DPP8: variants seen among roughly 807,000 people sequenced by gnomAD.
DPP8 encodes dipeptidyl peptidase 8.
DPP8 carries 31 observed loss-of-function variants against 107.5 expected under a neutral mutation model. That is an observed-to-expected ratio of 0.29 (90% CI 0.22 to 0.39). DPP8 has a LOEUF of 0.39. Among genes scored for constraint, DPP8 ranks in the 10% least tolerant of loss-of-function variants. The pLI is 1.00. For synonymous variants in DPP8, 381 were observed against 356.6 expected (o/e 1.07, Z -0.77); for missense variants, 842 against 1,076.1 (o/e 0.78, Z 3.04).
intron 6 of DPP8, among the ~76,000 whole-genome samples, chr15:65,488,132 T>C (rs2067619325): frequency 6.6e-6 from 1 of 152,214 alleles, no homozygotes. Context: ...AATATTTAAT[T>C]ACATGTATAA....
intron 7 of DPP8, among the ~76,000 whole-genome samples, chr15:65,486,993 A>T (rs975492202): frequency 7.9e-5 from 12 of 151,712 alleles, no homozygotes; most frequent in Admixed American, 2.6e-4. Flanking sequence ...AATTTAAAAT[A>T]AAAAAAAGGG....
At position 65,444,048 on chromosome 15, in the gene DPP8, G is replaced by A. The variant is rs1300146052; in HGVS notation, c.*2836C>T. The A allele has an allele frequency of 6.6e-6, 1 of 152,352 alleles. No homozygotes were observed. The highest frequency in any genetic ancestry group is 1.5e-5 in the Non-Finnish European group (1 of 68,228). 9.4% of individuals were successfully genotyped at this position (152,352 alleles called of 1,614,324 possible). A position where few individuals can be genotyped will look rare whatever the true frequency, so the allele number is the denominator to read the frequency against. ...TCTCCTGCCTCAGCCTCCCGAGTAG[G>A]TGGGATTATAGGCACACGCCATCAT... On this transcript the variant is annotated 3_prime_UTR_variant, in exon 20 of 20. Coordinates refer to ENST00000300141, the MANE Select transcript of DPP8 (RefSeq NM_130434.5).
chr15:65,494,646 GA>G lies in DPP8; in HGVS notation c.715+3217del, dbSNP rs5813355. Among the ~76,000 whole-genome samples the G allele has an allele frequency of 3.5e-3, 399 of 114,350 alleles. 6 individuals carry two copies. The highest frequency in any genetic ancestry group is 0.012 in the African/African-American group (349 of 29,578). The allele number at this position is 114,350 out of a possible 152,430, so 75.0% of individuals were successfully genotyped here. A position where few individuals can be genotyped will look rare whatever the true frequency, so the allele number is the denominator to read the frequency against. On this transcript the variant is annotated intron_variant, in intron 5 of 19. Coordinates refer to ENST00000300141, the MANE Select transcript of DPP8 (RefSeq NM_130434.5). ...TAGGAGACCCTGTCTCAAAAAAATTGAAAAAAAAAAAAAAAAGGGCATGAAA... is the reference window on the plus strand; with the variant it reads ...TAGGAGACCCTGTCTCAAAAAAATTGAAAAAAAAAAAAAAAGGGCATGAAA...
chr15:65,502,686 A>C (rs1046575104), intron 3 of DPP8: 2 of 151,950 alleles, frequency 1.3e-5, no homozygotes. Context: ...TCAAAAAAAA[A>C]AAATAATAAG....
intron 2 of DPP8, among the ~76,000 whole-genome samples, chr15:65,509,684 G>A (rs555800941): frequency 3.3e-5 from 5 of 152,258 alleles, no homozygotes; most frequent in South Asian, 4.1e-4. Flanking sequence ...AGCATACCAC[G>A]TTTGGAATAA....
intron 12 of DPP8, among the ~76,000 whole-genome samples, chr15:65,468,581 T>C (rs553193656): frequency 1.2e-4 from 19 of 152,174 alleles, no homozygotes; most frequent in South Asian, 4.1e-4. Context: ...ATGCCTTTTT[T>C]CCCCCCAGGA....
chr15:65,499,101 G>GTT (rs1469760782), intron 4 of DPP8, among the ~76,000 whole-genome samples: 42 of 139,002 alleles, frequency 3.0e-4, no homozygotes, highest in African/African-American at 1.1e-3. Flanking sequence ...GTGTGTGTGT[G>GTT]TGTGTATATA....
chr15:65,482,323 C>G (rs2067004383), intron 8 of DPP8, among the ~76,000 whole-genome samples: 1 of 152,186 alleles, frequency 6.6e-6, no homozygotes, highest in East Asian at 1.9e-4. Flanking sequence ...ACTCTGTCAC[C>G]CAGGCTGTAG....
At chr15:65,487,927 T>G in intron 6 of DPP8, 109 bp from the exon 7 acceptor site, 6 of 754,306 alleles carry the variant, frequency 8.0e-6, no homozygotes, top group South Asian at 1.9e-5. Context: ...ATAACTTATG[T>G]ATAAAATATG....
At chr15:65,495,865 C>G (rs1291299227) in intron 5 of DPP8, among the ~76,000 whole-genome samples, 1 of 151,964 alleles carries the variant, frequency 6.6e-6, no homozygotes, top group Non-Finnish European at 1.5e-5. Context: ...CTGGGTGACA[C>G]AGTAAGACTC....
chr15:65,516,191 A>G (rs2071419372), intron 1 of DPP8: 1 of 165,172 alleles, frequency 6.1e-6, no homozygotes, highest in Non-Finnish European at 1.3e-5. Context: ...TTTACATAAT[A>G]ATGTCATATC....
rs569727879 is a variant in DPP8, at chr15:65,443,813, G to C, written c.*3071C>G. Reference sequence around the variant, plus strand: ...ATCCAACTCCATTCTCTATAGAAGAGTTTCTTAAAGTAGTCCACAGATGAC... The same window carrying C: ...ATCCAACTCCATTCTCTATAGAAGACTTTCTTAAAGTAGTCCACAGATGAC... On this transcript the variant is annotated 3_prime_UTR_variant, in exon 20 of 20. Transcript: ENST00000300141. 204 of 152,298 alleles carry C rather than the reference G, an allele frequency of 1.3e-3. 1 individual carries two copies. Among genetic ancestry groups the C allele is most frequent in the African/African-American group, 4.6e-3 (190 of 41,562 alleles). 9.4% of individuals were successfully genotyped at this position (152,298 alleles called of 1,614,324 possible).
Position 65,490,175 on chromosome 15 carries a change from T to C in DPP8, c.826+14A>G, listed in dbSNP as rs780619811. 7.7e-7 allele frequency: 1 copy of C among 1,305,918 alleles called. No individual in the cohort carries two copies. The highest frequency in any genetic ancestry group is 1.1e-6 in the Non-Finnish European group (1 of 900,020). 80.9% of individuals were successfully genotyped at this position (1,305,918 alleles called of 1,614,324 possible). The stretch of plus-strand genomic sequence containing the variant: ...TTTAATTGACCCATAATATATTATT[T>C]TGAACCCCCTTACTTGTTTCAGCTT... On this transcript the variant is annotated intron_variant, in intron 6 of 19. Transcript: ENST00000300141.
Position 65,467,148 on chromosome 15 carries a change from C to T in DPP8, c.1612G>A (p.Val538Ile). ...TCTCCAGGATTTACGTAACTGACTA[C>T]GTACAGGTGATGCTCTAAAGGGGAG... ...KDSPLEHHLYVVSYVNPGEVT... is the reference protein window; with the variant it reads ...KDSPLEHHLYIVSYVNPGEVT... Residue 538 changes from valine to isoleucine, a missense_variant, in exon 13 of 20, where the codon GTA becomes ATA. Transcript: ENST00000300141. 1.9e-6 allele frequency: 3 copies of T among 1,614,116 alleles called. No homozygotes were observed. The highest frequency in any genetic ancestry group is 2.5e-6 in the Non-Finnish European group (3 of 1,179,990).
chr15:65,511,855 C>A, intron 2 of DPP8: 26 of 225,616 alleles, frequency 1.2e-4, no homozygotes, highest in East Asian at 4.2e-4. Context: ...GAAAGTAAAT[C>A]AGTAGATTAA....
intron 2 of DPP8, among the ~76,000 whole-genome samples, chr15:65,510,088 C>A (rs1165422778): frequency 6.6e-6 from 1 of 152,022 alleles, no homozygotes; most frequent in African/African-American, 2.4e-5. Context: ...CTGAGGCAGG[C>A]AGATTGCTGG....
At chr15:65,483,612 A>C (rs544280531) in intron 8 of DPP8, among the ~76,000 whole-genome samples, 163 of 150,866 alleles carry the variant, frequency 1.1e-3, no homozygotes, top group African/African-American at 3.8e-3. Flanking sequence ...AATAAAATAA[A>C]ATAAAATAAA....
rs1421022776 is a variant in DPP8 at position 65,497,984 on chromosome 15, G to A, written c.595C>T (p.Arg199Trp). ...GCAGGGCATAATTTTGGATCCATCCGTATGTTGGGACAACTAGTTTCCACT... is the reference window on the plus strand; with the variant it reads ...GCAGGGCATAATTTTGGATCCATCCATATGTTGGGACAACTAGTTTCCACT... Reference protein sequence around the residue: ...NLVETSCPNIRMDPKLCPADP... With the variant: ...NLVETSCPNIWMDPKLCPADP... The change falls in exon 5 of 20, where the codon CGG becomes TGG. Residue 199 changes from arginine (R) to tryptophan (W), a missense_variant. By Grantham distance (101) the Arg-to-Trp change is moderately radical. Transcript: ENST00000300141. 20 of 1,610,018 alleles carry A rather than the reference G, an allele frequency of 1.2e-5. No individual in the cohort carries two copies. The highest frequency in any genetic ancestry group is 1.5e-5 in the Non-Finnish European group (18 of 1,177,504).
chr15:65,466,923 T>A, intron 13 of DPP8, 110 bp from the exon 14 acceptor site: 1 of 1,406,018 alleles, frequency 7.1e-7, no homozygotes, highest in Non-Finnish European at 9.7e-7. Flanking sequence ...ACTATTTATG[T>A]ACATATACAA....
Sources: allele counts gnomAD v4.1 joint callset (sites outside exome capture counted in the v4.1 genomes callset), GRCh38; gene constraint gnomAD v4.1.1; transcripts MANE v1.5; gene names NCBI Gene and HGNC (gene_info 2026-07-23, HGNC 2026-07-21).